The following NLGN4X variants were observed in gnomAD, a reference collection of about 807,000 sequenced individuals.
The protein encoded by NLGN4X is neuroligin 4 X-linked.
In NLGN4X, 3 loss-of-function variants were observed where a neutral mutation model predicts 40.3. That is an observed-to-expected ratio of 0.07 (90% CI 0.03 to 0.19). The LOEUF (loss-of-function observed/expected upper bound fraction) is 0.19. NLGN4X is among the 10% of genes least tolerant of loss of function. The probability of loss-of-function intolerance (pLI) is 1.00; values close to 1 mark genes in which losing one functional copy is unlikely to be tolerated. For synonymous variants in NLGN4X, 270 were observed against 306.8 expected, an observed-to-expected ratio of 0.88 and a Z score of 1.25; for missense variants, 382 against 708.3, an observed-to-expected ratio of 0.54 and a Z score of 5.23.
chrX:5,948,901 T>C (rs1207381012), intron 3 of NLGN4X, among the ~76,000 whole-genome samples: 1 of 111,904 alleles, frequency 8.9e-6, no homozygotes, highest in Non-Finnish European at 1.9e-5. Flanking sequence ...TCAGCTGGGA[T>C]GTCCACAATG....
At position 6,116,354 on chromosome X, in the gene NLGN4X, C is replaced by T. The variant is rs182504580; in HGVS notation, c.472+34641G>A. ...AGCGGAAACTTTGAATTCACACGTC[C>T]ACTTTCATTCAACAAGTAGGTATTG... On this transcript the variant is annotated intron_variant, in intron 2 of 5. Transcript: ENST00000381095. 1.1e-3 allele frequency among the ~76,000 whole-genome samples: 105 copies of T among 92,871 alleles called. 2 individuals carry two copies. The highest frequency in any genetic ancestry group is 4.0e-3 in the African/African-American group (100 of 25,025). 80.6% of individuals were successfully genotyped at this position (92,871 alleles called of 115,157 possible). A position where few individuals can be genotyped will look rare whatever the true frequency, so the allele number is the denominator to read the frequency against.
Position 5,891,938 on chromosome X carries a change from T to A in NLGN4X, c.*879A>T. 6.8e-6 allele frequency: 1 copy of A among 147,110 alleles called. No individual in the cohort carries two copies. Among genetic ancestry groups the A allele is most frequent in the Non-Finnish European group, 1.3e-5 (1 of 77,481 alleles). 12.1% of individuals were successfully genotyped at this position (147,110 alleles called of 1,213,427 possible). ...CATCACATCCTCCTACAAATGAGAA[T>A]CTCATGTAAGAAAATCCCATGTCTT... On this transcript the variant is annotated 3_prime_UTR_variant, in exon 6 of 6. Coordinates refer to ENST00000381095, the MANE Select transcript of NLGN4X (RefSeq NM_181332.3).
chrX:5,968,208 A>G (rs919999153), intron 3 of NLGN4X, among the ~76,000 whole-genome samples: 4 of 108,224 alleles, frequency 3.7e-5, no homozygotes, highest in Admixed American at 3.0e-4. Flanking sequence ...TCCCTTTTCG[A>G]TGGTTCGTTC....
At chrX:6,212,706 A>G (rs1343471776) in intron 1 of NLGN4X, among the ~76,000 whole-genome samples, 1 of 111,969 alleles carries the variant, frequency 8.9e-6, no homozygotes, top group Admixed American at 9.5e-5. Flanking sequence ...TCCTGATGGA[A>G]GAAGGTGTTT....
chrX:5,930,743 T>C (rs1227845362), intron 3 of NLGN4X, among the ~76,000 whole-genome samples: 1 of 112,403 alleles, frequency 8.9e-6, no homozygotes, highest in Non-Finnish European at 1.9e-5. Context: ...ATGAGGTCTG[T>C]GGAAGTGAAC....
At chrX:6,215,878 CTTTT>C (rs113885626) in intron 1 of NLGN4X, among the ~76,000 whole-genome samples, 4 of 91,886 alleles carry the variant, frequency 4.4e-5, no homozygotes, top group African/African-American at 8.7e-5. Flanking sequence ...TACTCAAACA[CTTTT>C]TTTTTTTTTT....
intron 1 of NLGN4X, among the ~76,000 whole-genome samples, chrX:6,198,298 G>A (rs895557236): frequency 2.7e-5 from 3 of 111,083 alleles, no homozygotes; most frequent in African/African-American, 3.3e-5. Context: ...ATTCCAACTC[G>A]CCCTGGGTAG....
intron 2 of NLGN4X, among the ~76,000 whole-genome samples, chrX:6,074,115 T>C (rs965269426): frequency 7.2e-5 from 8 of 110,541 alleles, no homozygotes; most frequent in Admixed American, 5.8e-4. Flanking sequence ...CTCAAAACAA[T>C]ACAGACAAGA....
At chrX:5,960,266 A>AG (rs2034617427) in intron 3 of NLGN4X, among the ~76,000 whole-genome samples, 1 of 109,661 alleles carries the variant, frequency 9.1e-6, no homozygotes, top group Admixed American at 9.8e-5. Context: ...TTGCAAAAAA[A>AG]AAAAAACACT....
At chrX:6,074,149 C>T (rs923792682) in intron 2 of NLGN4X, among the ~76,000 whole-genome samples, 5 of 111,338 alleles carry the variant, frequency 4.5e-5, no homozygotes, top group Admixed American at 2.9e-4. Flanking sequence ...AGGAAGGCTG[C>T]AGCAGGCATA....
intron 1 of NLGN4X, among the ~76,000 whole-genome samples, chrX:6,205,096 T>G (rs962088786): frequency 8.9e-6 from 1 of 111,830 alleles, no homozygotes. Flanking sequence ...CTACAACCAT[T>G]TCTTTCAGTT....
At chrX:6,221,391 TTATATATATATATATATATA>T (rs60897428) in intron 1 of NLGN4X, among the ~76,000 whole-genome samples, 21 of 53,345 alleles carry the variant, frequency 3.9e-4, no homozygotes, top group African/African-American at 1.2e-3. Context: ...CCTTCTTATA[TTATATATATATATATATATA>T]TATATATATA....
chrX:6,188,748 T>A (rs1921942), intron 1 of NLGN4X, among the ~76,000 whole-genome samples: 3,205 of 111,817 alleles, frequency 0.029, 121 homozygotes, highest in African/African-American at 0.097. Flanking sequence ...AAAATTATGT[T>A]TTCAGGAATG....
In NLGN4X at chrX:6,004,915, A is replaced by G. The variant is rs144097189; in HGVS notation, c.625+24365T>C. On this transcript the variant is annotated intron_variant, in intron 3 of 5. Coordinates refer to ENST00000381095, the MANE Select transcript of NLGN4X (RefSeq NM_181332.3). ...TGCTGTTTAGGGATAAATGCAGCCCACTGAGAAGAGGGTCAAGATGAAGGA... is the reference window on the plus strand; with the variant it reads ...TGCTGTTTAGGGATAAATGCAGCCCGCTGAGAAGAGGGTCAAGATGAAGGA... 6.7e-3 allele frequency among the ~76,000 whole-genome samples: 750 copies of G among 111,864 alleles called. 3 individuals are homozygous for G. Among genetic ancestry groups the G allele is most frequent in the African/African-American group, 0.023 (705 of 30,843 alleles).
chrX:5,922,353 GTTCCCAACACAAAGAAATGATAAA>G (rs913952472), intron 3 of NLGN4X, among the ~76,000 whole-genome samples: 3 of 111,135 alleles, frequency 2.7e-5, no homozygotes, highest in Non-Finnish European at 5.6e-5. Context: ...GAAATTGAAT[GTTCCCAACACAAAGAAATGATAAA>G]TGTTTTAGAT....
At chrX:5,905,145 T>C (rs1439111905) in intron 4 of NLGN4X, among the ~76,000 whole-genome samples, 2 of 111,146 alleles carry the variant, frequency 1.8e-5, no homozygotes, top group Non-Finnish European at 3.8e-5. Context: ...ACATTCAGAA[T>C]TGGAAAAAAT....
At chrX:5,997,532 T>G (rs1465584561) in intron 3 of NLGN4X, among the ~76,000 whole-genome samples, 1 of 105,134 alleles carries the variant, frequency 9.5e-6, no homozygotes, top group African/African-American at 3.4e-5. Context: ...ATACAAAAAT[T>G]TATAAATTAT....
At chrX:6,176,723 G>A (rs898979251) in intron 1 of NLGN4X, among the ~76,000 whole-genome samples, 6 of 112,014 alleles carry the variant, frequency 5.4e-5, no homozygotes, top group African/African-American at 1.9e-4. Context: ...AAAAGGCAGG[G>A]AAATCTGTCC....
chrX:6,032,793 T>C (rs751940608), intron 2 of NLGN4X: 1 of 918,234 alleles, frequency 1.1e-6, no homozygotes, highest in Non-Finnish European at 1.5e-6. Context: ...AAAAAGAGAA[T>C]TCAAAAACAA....
Sources: allele counts gnomAD v4.1 joint callset (sites outside exome capture counted in the v4.1 genomes callset), GRCh38; gene constraint gnomAD v4.1.1; transcripts MANE v1.5; gene names NCBI Gene and HGNC (gene_info 2026-07-23, HGNC 2026-07-21).